The following NR5A2 variants were observed in gnomAD, a reference collection of about 807,000 sequenced individuals.
NR5A2 encodes the protein CYP7A promoter-binding factor.
In NR5A2, 26 loss-of-function variants were observed where a neutral mutation model predicts 62.7. The observed-to-expected ratio is 0.41, with a 90% confidence interval of 0.30 to 0.58. The LOEUF (loss-of-function observed/expected upper bound fraction) is 0.58. Among genes scored for constraint, NR5A2 ranks in the 20% least tolerant of loss-of-function variants. The pLI is 0.22. For synonymous variants in NR5A2, 246 were observed against 241.7 expected (o/e 1.02, Z -0.16); for missense variants, 541 against 669.1 (o/e 0.81, Z 2.11).
chr1:200,088,237 T>C (rs1339691304), intron 5 of NR5A2, among the ~76,000 whole-genome samples: 2 of 150,956 alleles, frequency 1.3e-5, no homozygotes, highest in Non-Finnish European at 3.0e-5. Context: ...TGTTTTTGTT[T>C]TTGTTTTTTT....
intron 5 of NR5A2, among the ~76,000 whole-genome samples, chr1:200,061,017 G>A (rs917655199): frequency 6.0e-5 from 9 of 149,986 alleles, no homozygotes; most frequent in Admixed American, 1.3e-4. Context: ...CTATTCAGGA[G>A]GCTGAGGCAG....
intron 5 of NR5A2, among the ~76,000 whole-genome samples, chr1:200,075,932 T>C (rs1367665491): frequency 6.6e-6 from 1 of 151,314 alleles, no homozygotes; most frequent in Non-Finnish European, 1.5e-5. Context: ...TGTTTATTTA[T>C]CATGTTTTGC....
chr1:200,036,694 C>T (rs1293116343), intron 1 of NR5A2, among the ~76,000 whole-genome samples: 3 of 152,140 alleles, frequency 2.0e-5, no homozygotes, highest in Non-Finnish European at 4.4e-5. Context: ...AATAGGGCTG[C>T]CCCCAGGGAG....
At chr1:200,144,237 A>T (rs61824359) in intron 7 of NR5A2, among the ~76,000 whole-genome samples, 15 of 35,430 alleles carry the variant, frequency 4.2e-4, no homozygotes, top group African/African-American at 8.6e-4. Context: ...TCTCTCTCAC[A>T]CACACACACA....
intron 6 of NR5A2, among the ~76,000 whole-genome samples, chr1:200,116,248 G>A (rs2816971): frequency 0.86 from 130,713 of 152,116 alleles, 56,324 homozygotes; most frequent in East Asian, 0.97. Flanking sequence ...TGGACAGACA[G>A]AGGAATGCAA....
intron 7 of NR5A2, among the ~76,000 whole-genome samples, chr1:200,139,406 C>A (rs1189581997): frequency 6.6e-6 from 1 of 152,152 alleles, no homozygotes; most frequent in Non-Finnish European, 1.5e-5. Context: ...GGTGTGATAA[C>A]AGGTACTCTT....
At chr1:200,057,128 G>T (rs1352418634) in intron 5 of NR5A2, among the ~76,000 whole-genome samples, 4 of 152,164 alleles carry the variant, frequency 2.6e-5, no homozygotes, top group Non-Finnish European at 5.9e-5. Flanking sequence ...GTCAATTTAT[G>T]AAAAACCATT....
In NR5A2 at chr1:200,027,873, ATT is replaced by A; in HGVS notation, c.28_29del (p.Leu10ThrfsTer62). On this transcript the variant is annotated frameshift_variant, in exon 1 of 8. Coordinates refer to ENST00000367362, the MANE Select transcript of NR5A2 (RefSeq NM_205860.3). LOFTEE classifies it high-confidence loss of function. ...ATGTCTTCTAATTCAGATACTGGGG[ATT>A]TACAAGAGTCTTTAAAGCACGGACT... 1 of 1,606,576 alleles carries A rather than the reference ATT, an allele frequency of 6.2e-7. No individual in the cohort carries two copies. The highest frequency in any genetic ancestry group is 8.5e-7 in the Non-Finnish European group (1 of 1,176,314).
chr1:200,043,133 C>T (rs1395068324), intron 2 of NR5A2: 2 of 433,258 alleles, frequency 4.6e-6, no homozygotes, highest in Non-Finnish European at 6.1e-6. Context: ...GATTTTCAAA[C>T]GTAAGGAGAT....
intron 5 of NR5A2, among the ~76,000 whole-genome samples, chr1:200,066,775 A>G (rs896423298): frequency 6.6e-6 from 1 of 151,962 alleles, no homozygotes; most frequent in East Asian, 1.9e-4. Context: ...TTTAGTAGAG[A>G]CAGGGTTTCA....
At chr1:200,079,050 T>G (rs1664169269) in intron 5 of NR5A2, among the ~76,000 whole-genome samples, 1 of 152,210 alleles carries the variant, frequency 6.6e-6, no homozygotes, top group African/African-American at 2.4e-5. Context: ...ACAGAAATTC[T>G]AATCCTCATG....
chr1:200,105,390 C>A (rs1665601055), intron 5 of NR5A2, among the ~76,000 whole-genome samples: 1 of 152,128 alleles, frequency 6.6e-6, no homozygotes, highest in Non-Finnish European at 1.5e-5. Context: ...CCTAGGAAGC[C>A]TCCCCAAGAA....
intron 3 of NR5A2, 57 bp from the exon 4 acceptor site, chr1:200,045,386 A>G: frequency 1.4e-6 from 2 of 1,457,108 alleles, no homozygotes; most frequent in African/African-American, 1.4e-5. Flanking sequence ...AAATGAAACA[A>G]TGGAAAAGAC....
chr1:200,166,909 G>A (rs1001049173), intron 7 of NR5A2, among the ~76,000 whole-genome samples: 1 of 152,160 alleles, frequency 6.6e-6, no homozygotes, highest in Non-Finnish European at 1.5e-5. Flanking sequence ...ATTGGTGTTT[G>A]GTAAATGTTA....
At chr1:200,028,989 G>A in intron 1 of NR5A2, 3 of 412,846 alleles carry the variant, frequency 7.3e-6, no homozygotes, top group Non-Finnish European at 9.7e-6. Context: ...AAGAAAACAT[G>A]GGGAAGGTAA....
intron 7 of NR5A2, among the ~76,000 whole-genome samples, chr1:200,151,207 T>C (rs1296919318): frequency 6.6e-6 from 1 of 152,214 alleles, no homozygotes; most frequent in Admixed American, 6.5e-5. Flanking sequence ...CTTGTGTCTT[T>C]TAGCATCGTT....
chr1:200,036,894 C>T (rs1247568324), intron 1 of NR5A2, among the ~76,000 whole-genome samples: 1 of 152,204 alleles, frequency 6.6e-6, no homozygotes, highest in South Asian at 2.1e-4. Context: ...GAAAGGGCTT[C>T]CCTCCGTGAT....
intron 6 of NR5A2, among the ~76,000 whole-genome samples, chr1:200,118,566 G>A (rs1326798193): frequency 6.6e-6 from 1 of 152,130 alleles, no homozygotes; most frequent in Non-Finnish European, 1.5e-5. Flanking sequence ...ATTGGCTCGG[G>A]TCTCTTACCT....
chr1:200,132,199 G>A (rs1003361255), intron 7 of NR5A2, among the ~76,000 whole-genome samples: 12 of 152,206 alleles, frequency 7.9e-5, no homozygotes, highest in African/African-American at 2.6e-4. Context: ...TAGTAGAGAC[G>A]GGATTTCACC....
Sources: allele counts gnomAD v4.1 joint callset (sites outside exome capture counted in the v4.1 genomes callset), GRCh38; gene constraint gnomAD v4.1.1; transcripts MANE v1.5; gene names NCBI Gene and HGNC (gene_info 2026-07-23, HGNC 2026-07-21).